Variants in ULK4 observed in about 807,000 individuals in gnomAD.
The protein encoded by ULK4 is inactive serine/threonine-protein kinase ULK4.
A neutral mutation model predicts 160.6 loss-of-function variants in ULK4; 133 were observed. The ratio of observed to expected loss-of-function variants is 0.83; its 90% CI spans 0.72 to 0.96. The LOEUF (loss-of-function observed/expected upper bound fraction) is 0.96, where lower values mean the gene tolerates loss of function less well. Ranked by LOEUF, ULK4 falls within the 40% of genes least tolerant of loss-of-function variation. The pLI is 0.00. For synonymous variants in ULK4, 534 were observed against 539.8 expected, an observed-to-expected ratio of 0.99 and a Z score of 0.15; for missense variants, 1,580 against 1,499.5, an observed-to-expected ratio of 1.05 and a Z score of -0.89.
At chr3:41,315,851 C>A (rs767292084) in intron 35 of ULK4, among the ~76,000 whole-genome samples, 1 of 152,146 alleles carries the variant, frequency 6.6e-6, no homozygotes, top group Non-Finnish European at 1.5e-5. Context: ...CACTTCCCAC[C>A]CATTGGATGG....
chr3:41,345,434 C>T (rs1684515762), intron 35 of ULK4, among the ~76,000 whole-genome samples: 2 of 152,172 alleles, frequency 1.3e-5, no homozygotes, highest in African/African-American at 2.4e-5. Context: ...CAATGGAATA[C>T]TATGCAGCCA....
intron 32 of ULK4, among the ~76,000 whole-genome samples, chr3:41,546,320 T>C (rs1206615506): frequency 6.6e-6 from 1 of 152,162 alleles, no homozygotes; most frequent in Non-Finnish European, 1.5e-5. Context: ...TCTATATTGA[T>C]TTAATCCGTA....
intron 30 of ULK4, among the ~76,000 whole-genome samples, chr3:41,628,084 G>A (rs763792920): frequency 6.6e-6 from 1 of 152,170 alleles, no homozygotes; most frequent in Non-Finnish European, 1.5e-5. Flanking sequence ...ACTCCAATCT[G>A]ATTGTAACAG....
At chr3:41,755,048 G>C (rs1199759794) in intron 21 of ULK4, among the ~76,000 whole-genome samples, 1 of 152,150 alleles carries the variant, frequency 6.6e-6, no homozygotes, top group Non-Finnish European at 1.5e-5. Flanking sequence ...TATTGACAAG[G>C]AATAGTGCTA....
intron 35 of ULK4, among the ~76,000 whole-genome samples, chr3:41,376,193 A>G (rs2081489113): frequency 2.0e-5 from 3 of 150,358 alleles, no homozygotes; most frequent in South Asian, 4.3e-4. Context: ...AATTAGTTCA[A>G]CCATTGTGGA....
chr3:41,514,314 A>G (rs1379865134), intron 32 of ULK4, among the ~76,000 whole-genome samples: 2 of 152,236 alleles, frequency 1.3e-5, no homozygotes, highest in Non-Finnish European at 2.9e-5. Context: ...ACTTTTACAT[A>G]AAATGCAGAG....
chr3:41,871,589 C>T (rs747501992), intron 17 of ULK4, among the ~76,000 whole-genome samples: 1 of 152,184 alleles, frequency 6.6e-6, no homozygotes, highest in Non-Finnish European at 1.5e-5. Context: ...TTTTCTCTAA[C>T]GGATAATAAT....
rs1410834860 is a variant in ULK4, at chr3:41,640,199, C to T, written c.3071+23408G>A. Among the ~76,000 whole-genome samples, 8 of 152,198 alleles carry T rather than the reference C, an allele frequency of 5.3e-5. No individual in the cohort carries two copies. In the East Asian group the frequency reaches 1.5e-3, roughly 29 times the overall value. On this transcript the variant is annotated intron_variant, in intron 30 of 36. Transcript: ENST00000301831. ...CCACTTACAGCTCTCACCTCCCCCA[C>T]TGGACCAGCTAGGAAAGCTCACTAT...
intron 27 of ULK4, 23 bp from the exon 28 acceptor site, chr3:41,681,827 C>T (rs1338133934): frequency 1.2e-6 from 2 of 1,612,904 alleles, no homozygotes; most frequent in South Asian, 1.1e-5. Context: ...ATGTAAAAGA[C>T]TCAGAATCTC....
rs1559635834 is a variant in ULK4 at position 41,896,966 on chromosome 3, A to G, written c.1386T>C (p.Asn462=). Residue 462 remains asparagine, a synonymous_variant, in exon 15 of 37, where the codon AAT becomes AAC. Transcript: ENST00000301831. ...GCGAGCACACTTGTTGCAAAAAGTC[A>G]TTCCAATCTTGATCTTTCAGAAATA... ...KLLFLKDQDW[N]DFLQQVCSQI... is the part of the protein sequence containing the mutation. 2 of 1,613,258 alleles carry G rather than the reference A, an allele frequency of 1.2e-6. No homozygotes were observed. Among genetic ancestry groups the G allele is most frequent in the African/African-American group, 1.3e-5 (1 of 75,034 alleles).
At chr3:41,312,135 T>C (rs74596415) in intron 35 of ULK4, among the ~76,000 whole-genome samples, 5,226 of 151,874 alleles carry the variant, frequency 0.034, 215 homozygotes, top group East Asian at 0.18. Context: ...CTACCAAACA[T>C]GGCTAATTTT....
At chr3:41,724,329 T>A (rs1302547038) in intron 22 of ULK4, among the ~76,000 whole-genome samples, 2 of 152,216 alleles carry the variant, frequency 1.3e-5, no homozygotes, top group Non-Finnish European at 2.9e-5. Context: ...GTAAATTTGC[T>A]GGGTCACAAA....
intron 30 of ULK4, 60 bp from the exon 31 acceptor site, chr3:41,615,777 G>C (rs1275883527): frequency 2.8e-5 from 42 of 1,489,226 alleles, no homozygotes; most frequent in Non-Finnish European, 3.5e-5. Context: ...TGCACTGATG[G>C]CCTGATATAA....
At chr3:41,856,761 C>T (rs2042374855) in intron 17 of ULK4, among the ~76,000 whole-genome samples, 1 of 151,042 alleles carries the variant, frequency 6.6e-6, no homozygotes, top group African/African-American at 2.4e-5. Flanking sequence ...AAAAAATTAG[C>T]CAGGCGTAGT....
intron 36 of ULK4, 101 bp downstream of exon 36, chr3:41,249,387 TC>T: frequency 9.1e-7 from 1 of 1,097,064 alleles, no homozygotes; most frequent in Non-Finnish European, 1.3e-6. Flanking sequence ...AAGGTGGTAG[TC>T]CCTGGTGTGG....
chr3:41,844,377 G>A (rs1227201801), intron 17 of ULK4, among the ~76,000 whole-genome samples: 1 of 152,090 alleles, frequency 6.6e-6, no homozygotes, highest in Non-Finnish European at 1.5e-5. Flanking sequence ...GCACTGCTGA[G>A]GGACCCAGCA....
At chr3:41,688,932 A>G (rs964234816) in intron 27 of ULK4, among the ~76,000 whole-genome samples, 1 of 152,192 alleles carries the variant, frequency 6.6e-6, no homozygotes, top group Non-Finnish European at 1.5e-5. Flanking sequence ...AGCCAAAACC[A>G]CAACCTCTGT....
chr3:41,479,800 G>T (rs2084258147), intron 32 of ULK4, among the ~76,000 whole-genome samples: 2 of 151,928 alleles, frequency 1.3e-5, no homozygotes, highest in Admixed American at 1.3e-4. Context: ...TCTCCCATTG[G>T]TTTCTTACTA....
intron 27 of ULK4, among the ~76,000 whole-genome samples, chr3:41,699,344 T>A (rs1214710908): frequency 1.3e-5 from 2 of 152,232 alleles, no homozygotes; most frequent in Non-Finnish European, 2.9e-5. Flanking sequence ...TACAAAAGGA[T>A]AGGTTTTTCG....
Sources: gnomAD v4.1 joint callset for allele counts (sites outside exome capture counted in the v4.1 genomes callset) on GRCh38, gnomAD v4.1.1 for gene constraint, MANE v1.5 for transcripts, NCBI Gene and HGNC (gene_info 2026-07-23, HGNC 2026-07-21) for gene names.